Variants in ZNF541 observed in about 807,000 individuals in gnomAD.
ZNF541 encodes zinc finger protein 541.
In ZNF541, 23 loss-of-function variants were observed where a neutral mutation model predicts 123.5. The observed-to-expected ratio is 0.19, with a 90% CI of 0.13 to 0.26. ZNF541 has a LOEUF of 0.26. Among genes scored for constraint, ZNF541 ranks in the 10% least tolerant of loss-of-function variants. The probability of loss-of-function intolerance (pLI) is 1.00; values close to 1 mark genes in which losing one functional copy is unlikely to be tolerated. For synonymous variants in ZNF541, 751 were observed against 754.5 expected, an observed-to-expected ratio of 1.00 and a Z score of 0.08; for missense variants, 1,612 against 1,789.9, an observed-to-expected ratio of 0.90 and a Z score of 1.79.
chr19:47,572,983 G>T (rs555037427), intron 1 of ZNF541, among the ~76,000 whole-genome samples, 100 bp downstream of exon 1: 68 of 151,794 alleles, frequency 4.5e-4, no homozygotes, highest in African/African-American at 1.6e-3. Flanking sequence ...AGAAACGAAT[G>T]AGATTGTAAA....
Position 47,544,742 on chromosome 19 carries a change from G to A in ZNF541, c.1787C>T (p.Pro596Leu). Reference protein sequence around the residue: ...KPAALRPLQGPWPQQPPPLAP... With the variant: ...KPAALRPLQGLWPQQPPPLAP... Reference sequence around the variant, plus strand: ...CAGTGGTGGGGGCTGCTGCGGCCACGGCCCCTGCAGCGGCCTCAGGGCGGC... The same window carrying A: ...CAGTGGTGGGGGCTGCTGCGGCCACAGCCCCTGCAGCGGCCTCAGGGCGGC... Residue 596 changes from proline (P) to leucine (L), a missense_variant, in exon 5 of 17, where the codon CCG becomes CTG. Physicochemically the swap from Pro to Leu is moderately conservative, Grantham distance 98 (BLOSUM62 -3). This residue lies in a region of ZNF541 where 1,080 missense variants were observed against 1,013.8 expected (regional missense o/e 1.07). Transcript: ENST00000391901. The A allele has an allele frequency of 6.7e-7, 1 of 1,499,610 alleles. No homozygotes were observed. Among genetic ancestry groups the A allele is most frequent in the Non-Finnish European group, 8.9e-7 (1 of 1,126,910 alleles). The allele number at this position is 1,499,610 out of a possible 1,614,324, so 92.9% of individuals were successfully genotyped here.
intron 2 of ZNF541, among the ~76,000 whole-genome samples, chr19:47,568,549 G>A (rs1231737418): frequency 6.6e-6 from 1 of 152,078 alleles, no homozygotes; most frequent in East Asian, 1.9e-4. Flanking sequence ...TTGCCATGTT[G>A]GCCAGGCTGG....
chr19:47,563,128 C>T (rs867245602), intron 2 of ZNF541, among the ~76,000 whole-genome samples: 2 of 152,156 alleles, frequency 1.3e-5, no homozygotes, highest in South Asian at 2.1e-4. Flanking sequence ...TGCCTGTCTG[C>T]GTGTATGCAG....
chr19:47,528,851 G>A (rs545548636), intron 14 of ZNF541, 99 bp downstream of exon 14: 2 of 864,866 alleles, frequency 2.3e-6, no homozygotes. Flanking sequence ...CCACAGGCAG[G>A]TGAGGGTGGG....
At chr19:47,567,932 C>G (rs1288299275) in intron 2 of ZNF541, among the ~76,000 whole-genome samples, 1 of 152,208 alleles carries the variant, frequency 6.6e-6, no homozygotes, top group East Asian at 1.9e-4. Context: ...CTGACAAGCA[C>G]TTGTGTAACA....
chr19:47,538,549 A>G, intron 8 of ZNF541, 110 bp from the exon 9 acceptor site: 1 of 1,197,618 alleles, frequency 8.3e-7, no homozygotes, highest in Non-Finnish European at 1.1e-6. Context: ...ACAGGAAACT[A>G]GGAAATGCAC....
At chr19:47,570,769 C>A (rs575741048) in intron 2 of ZNF541, among the ~76,000 whole-genome samples, 1 of 151,238 alleles carries the variant, frequency 6.6e-6, no homozygotes, top group Non-Finnish European at 1.5e-5. Context: ...TTTTTAAGTG[C>A]AAAGGGGTCT....
rs1969019130 is a variant in ZNF541, at chr19:47,521,407, G to C, written c.3888-30C>G. On this transcript the variant is annotated intron_variant, in intron 16 of 16. Transcript: ENST00000391901. The surrounding 1 kb of genome is among the most constrained non-coding windows in gnomAD (Gnocchi z 4.2). ...GGAGTCACCAGAGGACATGGGGTCAGAGCAGGGAGGAAGGGATCACAGGGG... is the reference window on the plus strand; with the variant it reads ...GGAGTCACCAGAGGACATGGGGTCACAGCAGGGAGGAAGGGATCACAGGGG... The C allele has an allele frequency of 1.3e-6, 2 of 1,551,118 alleles. No homozygotes were observed. Among genetic ancestry groups the C allele is most frequent in the African/African-American group, 1.4e-5 (1 of 73,056 alleles).
intron 14 of ZNF541, among the ~76,000 whole-genome samples, chr19:47,522,810 G>A (rs984765656): frequency 3.4e-5 from 5 of 147,114 alleles, no homozygotes; most frequent in African/African-American, 1.3e-4. Context: ...GCAATGGCAC[G>A]ATCTTGGCTC....
Position 47,544,257 on chromosome 19 carries a change from G to A in ZNF541, c.2272C>T (p.Arg758Trp), listed in dbSNP as rs1193012414. 8 of 1,551,460 alleles carry A rather than the reference G, an allele frequency of 5.2e-6. No homozygotes were observed. Among genetic ancestry groups the A allele is most frequent in the Non-Finnish European group, 7.0e-6 (8 of 1,147,020 alleles). The change falls in exon 5 of 17, where the codon CGG becomes TGG. Residue 758 changes from arginine (R) to tryptophan (W), a missense_variant. Coordinates refer to ENST00000391901, the MANE Select transcript of ZNF541 (RefSeq NM_001277075.3). The stretch of plus-strand genomic sequence containing the variant: ...ATATCCATCTTCGCCTTCTCTTTCC[G>A]GAAGCCGGAGAATCGCGGGGCCCTG... ...NPRAPRFSGF[R>W]KEKAKMDMCC...
At chr19:47,562,164 G>A (rs1167644125) in intron 2 of ZNF541, among the ~76,000 whole-genome samples, 11 of 152,156 alleles carry the variant, frequency 7.2e-5, no homozygotes, top group Admixed American at 5.2e-4. Context: ...CAGGAGAATC[G>A]CTTGAACTCG....
At chr19:47,548,920 A>G (rs920434932) in intron 4 of ZNF541, among the ~76,000 whole-genome samples, 3 of 150,360 alleles carry the variant, frequency 2.0e-5, no homozygotes, top group African/African-American at 7.3e-5. Context: ...TACTAAAAAT[A>G]ATACAAAAAT....
At position 47,532,110 on chromosome 19, in the gene ZNF541, C is replaced by A. The variant is rs1969600814; in HGVS notation, c.3301+18G>T. The A allele has an allele frequency of 1.3e-6, 2 of 1,550,608 alleles. No individual in the cohort carries two copies. The highest frequency in any genetic ancestry group is 1.7e-6 in the Non-Finnish European group (2 of 1,146,452). On this transcript the variant is annotated intron_variant, in intron 11 of 16. Coordinates refer to ENST00000391901, the MANE Select transcript of ZNF541 (RefSeq NM_001277075.3). ...GGAAGAAGGGCCCTTAGGAATTTAG[C>A]CCCAAAGCCTCAGCCACCTCTATCC...
intron 2 of ZNF541, among the ~76,000 whole-genome samples, chr19:47,565,639 G>A (rs1009339477): frequency 1.3e-5 from 2 of 152,118 alleles, no homozygotes; most frequent in Non-Finnish European, 1.5e-5. Flanking sequence ...AGTGGCAGTC[G>A]GCAAAGTAAT....
In ZNF541 at chr19:47,555,649, C is replaced by T. The variant is rs1179053903; in HGVS notation, c.208G>A (p.Asp70Asn). The T allele has an allele frequency of 3.9e-6, 6 of 1,551,664 alleles. No homozygotes were observed. Among genetic ancestry groups the T allele is most frequent in the Non-Finnish European group, 3.5e-6 (4 of 1,146,996 alleles). Residue 70 changes from aspartate (D) to asparagine (N), a missense_variant, in exon 3 of 17, where the codon GAC becomes AAC. This residue lies in a region of ZNF541 where 212 missense variants were observed against 289.6 expected (regional missense o/e 0.73). Transcript: ENST00000391901. ...TACAGGGACAAGGTGTCTAAGTTGTCCTCCAGCACCTCGCTGGACATGTCA... is the reference window on the plus strand; with the variant it reads ...TACAGGGACAAGGTGTCTAAGTTGTTCTCCAGCACCTCGCTGGACATGTCA... ...TPDMSSEVLE[D>N]NLDTLSLYSG...
At chr19:47,557,304 G>A (rs961589174) in intron 2 of ZNF541, among the ~76,000 whole-genome samples, 3 of 151,986 alleles carry the variant, frequency 2.0e-5, no homozygotes, top group African/African-American at 7.2e-5. Context: ...ACCATCCACA[G>A]GAAAACTAAA....
chr19:47,565,308 T>TA (rs1187986430), intron 2 of ZNF541, among the ~76,000 whole-genome samples: 1 of 151,582 alleles, frequency 6.6e-6, no homozygotes, highest in Non-Finnish European at 1.5e-5. Flanking sequence ...TCTATGGAAA[T>TA]AAAAAACTAA....
At chr19:47,543,639 T>G (rs1226760955) in intron 5 of ZNF541, among the ~76,000 whole-genome samples, 1 of 151,492 alleles carries the variant, frequency 6.6e-6, no homozygotes, top group Non-Finnish European at 1.5e-5. Flanking sequence ...ATCCTCATGT[T>G]GATCTTTTTT....
At chr19:47,561,739 T>C (rs1971071727) in intron 2 of ZNF541, among the ~76,000 whole-genome samples, 1 of 151,956 alleles carries the variant, frequency 6.6e-6, no homozygotes, top group Admixed American at 6.6e-5. Context: ...CTCCAGGAGT[T>C]TAAGAAGATC....
Sources: gnomAD v4.1 joint callset for allele counts (sites outside exome capture counted in the v4.1 genomes callset) on GRCh38, gnomAD v4.1.1 for gene constraint, gnomAD v4.1.1 regional missense constraint, Gnocchi (gnomAD v3.1) non-coding constraint, MANE v1.5 for transcripts, NCBI Gene and HGNC (gene_info 2026-07-23, HGNC 2026-07-21) for gene names.